The following SPICE1 variants were observed in gnomAD, a reference collection of about 807,000 sequenced individuals.
SPICE1 encodes the protein spindle and centriole-associated protein 1.
Under a neutral mutation model 102.7 loss-of-function variants are expected in SPICE1, and 75 were observed. That is an observed-to-expected ratio of 0.73 (90% CI 0.61 to 0.88). SPICE1 has a LOEUF of 0.88. Among genes scored for constraint, SPICE1 ranks in the 40% least tolerant of loss-of-function variants. SPICE1 has a pLI of 0.00. For missense variants in SPICE1, 979 were observed against 1,020.1 expected (o/e 0.96, Z 0.55); for synonymous variants, 308 against 350.3 (o/e 0.88, Z 1.35).
At chr3:113,458,078 T>C (rs572334246) in intron 12 of SPICE1, among the ~76,000 whole-genome samples, 1 of 152,326 alleles carries the variant, frequency 6.6e-6, no homozygotes, top group East Asian at 1.9e-4. Context: ...CTCAGGAAGA[T>C]ATTACATAAA....
intron 13 of SPICE1, among the ~76,000 whole-genome samples, chr3:113,456,911 T>C (rs1431253064): frequency 1.3e-5 from 2 of 152,240 alleles, no homozygotes; most frequent in Non-Finnish European, 2.9e-5. Flanking sequence ...CTGAGTTTAA[T>C]ACTTACAATG....
intron 7 of SPICE1, among the ~76,000 whole-genome samples, chr3:113,471,154 G>A (rs1327428653): frequency 6.6e-6 from 1 of 152,170 alleles, no homozygotes; most frequent in Non-Finnish European, 1.5e-5. Flanking sequence ...AATAATGCCT[G>A]AAGATATTCC....
At chr3:113,498,974 A>G (rs2107500542) in intron 4 of SPICE1, 1 of 152,916 alleles carries the variant, frequency 6.5e-6, no homozygotes, top group East Asian at 1.9e-4. Context: ...AAGTAACCTA[A>G]CAGCACTGCT....
intron 14 of SPICE1, 63 bp from the exon 15 acceptor site, chr3:113,450,579 A>ATTT (rs764682551): frequency 3.6e-5 from 44 of 1,215,766 alleles, no homozygotes; most frequent in African/African-American, 6.5e-5. Flanking sequence ...CTCTCCCACG[A>ATTT]TTTTTTTTTT....
chr3:113,473,388 C>G (rs1490519339), intron 7 of SPICE1, among the ~76,000 whole-genome samples: 1 of 152,012 alleles, frequency 6.6e-6, no homozygotes, highest in African/African-American at 2.4e-5. Context: ...GAGAACTTCC[C>G]CAATCTAGCA....
chr3:113,505,929 T>G (rs1056173304), intron 2 of SPICE1, among the ~76,000 whole-genome samples: 1 of 152,060 alleles, frequency 6.6e-6, no homozygotes, highest in Non-Finnish European at 1.5e-5. Flanking sequence ...ATAAATCCCC[T>G]TGGTAACACC....
intron 6 of SPICE1, among the ~76,000 whole-genome samples, chr3:113,489,870 C>T (rs1004989681): frequency 3.2e-4 from 40 of 126,628 alleles, no homozygotes; most frequent in African/African-American, 6.1e-4. Flanking sequence ...AAAAAAAAAA[C>T]GCTACTTGAT....
intron 12 of SPICE1, chr3:113,459,890 A>G (rs1935886085): frequency 1.1e-6 from 1 of 934,102 alleles, no homozygotes; most frequent in Non-Finnish European, 1.3e-6. Flanking sequence ...TCAAAAAGAA[A>G]AAAAAAAAAA....
intron 7 of SPICE1, among the ~76,000 whole-genome samples, chr3:113,487,953 ACTT>A (rs1936682235): frequency 6.6e-6 from 1 of 152,210 alleles, no homozygotes; most frequent in Non-Finnish European, 1.5e-5. Context: ...ACTGCCCTGT[ACTT>A]CTTCAAAACT....
chr3:113,482,992 G>C (rs977767916), intron 7 of SPICE1, among the ~76,000 whole-genome samples: 1 of 152,130 alleles, frequency 6.6e-6, no homozygotes, highest in Non-Finnish European at 1.5e-5. Flanking sequence ...AAATTACTTT[G>C]GGCAGTATGG....
intron 13 of SPICE1, among the ~76,000 whole-genome samples, chr3:113,455,761 A>G (rs1935765949): frequency 1.3e-5 from 2 of 152,260 alleles, no homozygotes; most frequent in Admixed American, 1.3e-4. Flanking sequence ...TCTGCACATT[A>G]TAAAATAAAT....
At chr3:113,484,606 T>C (rs1328645696) in intron 7 of SPICE1, among the ~76,000 whole-genome samples, 1 of 152,192 alleles carries the variant, frequency 6.6e-6, no homozygotes, top group African/African-American at 2.4e-5. Flanking sequence ...TCAAGGAACA[T>C]CTTTATTTCT....
intron 6 of SPICE1, among the ~76,000 whole-genome samples, chr3:113,491,465 C>CAA (rs542896138): frequency 1.4e-5 from 2 of 145,304 alleles, no homozygotes; most frequent in Non-Finnish European, 1.5e-5. Context: ...CTAAAAAATA[C>CAA]AAAAAAAAAA....
chr3:113,465,820 C>A, intron 10 of SPICE1, 36 bp from the exon 11 acceptor site: 2 of 1,596,634 alleles, frequency 1.3e-6, no homozygotes, highest in Non-Finnish European at 1.7e-6. Context: ...CCACCAATAG[C>A]ATCACATGTT....
At chr3:113,466,971 C>G (rs1317892131) in intron 10 of SPICE1, among the ~76,000 whole-genome samples, 3 of 151,996 alleles carry the variant, frequency 2.0e-5, no homozygotes, top group Non-Finnish European at 4.4e-5. Context: ...ACCACTTAAA[C>G]CCGGGAGGTG....
intron 7 of SPICE1, among the ~76,000 whole-genome samples, chr3:113,479,203 T>C (rs1333157414): frequency 1.9e-4 from 27 of 145,240 alleles, no homozygotes; most frequent in South Asian, 6.7e-4. Flanking sequence ...TCAATTCCCA[T>C]CTATGAGTGA....
chr3:113,497,035 T>C lies in SPICE1; in HGVS notation c.291+2404A>G, dbSNP rs1021820685. ...CTTTAACAGCAGAACTCCTGCATTTTAGCCAATTACATAGCTAGATTTCCC... is the reference window on the plus strand; with the variant it reads ...CTTTAACAGCAGAACTCCTGCATTTCAGCCAATTACATAGCTAGATTTCCC... On this transcript the variant is annotated intron_variant, in intron 4 of 17. Transcript: ENST00000295872. Among the ~76,000 whole-genome samples the C allele has an allele frequency of 2.6e-5, 4 of 152,236 alleles. No homozygotes were observed. In the East Asian group the frequency reaches 7.7e-4, roughly 29 times the overall value.
intron 12 of SPICE1, chr3:113,459,887 G>GAA (rs368859965): frequency 2.5e-4 from 212 of 849,576 alleles, no homozygotes; most frequent in Non-Finnish European, 2.6e-4. Context: ...ATCTCAAAAA[G>GAA]AAAAAAAAAA....
chr3:113,459,189 G>T (rs561550270), intron 12 of SPICE1, among the ~76,000 whole-genome samples: 1 of 152,156 alleles, frequency 6.6e-6, no homozygotes, highest in Non-Finnish European at 1.5e-5. Flanking sequence ...AGTGCAAGAT[G>T]TGCTTTGTTA....
Sources: gnomAD v4.1 joint callset for allele counts (sites outside exome capture counted in the v4.1 genomes callset) on GRCh38, gnomAD v4.1.1 for gene constraint, MANE v1.5 for transcripts, NCBI Gene and HGNC (gene_info 2026-07-23, HGNC 2026-07-21) for gene names.